SULT6B1: variants seen among roughly 807,000 people sequenced by gnomAD.
SULT6B1 encodes the protein sulfotransferase 6B1.
SULT6B1 carries 44 observed loss-of-function variants against 37.2 expected under a neutral mutation model. That is an observed-to-expected ratio of 1.18 (90% CI 0.93 to 1.52). The LOEUF (loss-of-function observed/expected upper bound fraction) is 1.52. SULT6B1 is among the 40% of genes most tolerant of loss of function. The pLI, the probability that SULT6B1 is intolerant of heterozygous loss-of-function variation, is 0.00. For missense variants in SULT6B1, 450 were observed against 361.0 expected, an observed-to-expected ratio of 1.25 and a Z score of -2.00; for synonymous variants, 140 against 126.0, an observed-to-expected ratio of 1.11 and a Z score of -0.74.
At position 37,184,622 on chromosome 2, in the gene SULT6B1, G is replaced by T. The variant is rs114951566; in HGVS notation, c.313-1108C>A. Reference sequence around the variant, plus strand: ...TAGCCAATTGTTCTGTAAAAACTTAGTGGAGGCTGGGCATCCTGCCCAATA... The same window carrying T: ...TAGCCAATTGTTCTGTAAAAACTTATTGGAGGCTGGGCATCCTGCCCAATA... On this transcript the variant is annotated intron_variant, in intron 2 of 6. Transcript: ENST00000535679. 3.3e-3 allele frequency among the ~76,000 whole-genome samples: 508 copies of T among 152,322 alleles called. 3 individuals carry two copies. Among genetic ancestry groups the T allele is most frequent in the African/African-American group, 0.012 (484 of 41,580 alleles).
chr2:37,181,427 G>T (rs1676546547), intron 3 of SULT6B1, among the ~76,000 whole-genome samples: 1 of 152,124 alleles, frequency 6.6e-6, no homozygotes, highest in Non-Finnish European at 1.5e-5. Flanking sequence ...TGTTACCCAG[G>T]CTAGAGTGCA....
At chr2:37,170,667 A>G (rs68044035) in intron 6 of SULT6B1, among the ~76,000 whole-genome samples, 32,023 of 147,936 alleles carry the variant, frequency 0.22, 3,619 homozygotes, top group South Asian at 0.34. Context: ...GAACCCAGGA[A>G]GCAGAGGTTG....
intron 3 of SULT6B1, among the ~76,000 whole-genome samples, chr2:37,182,185 G>C (rs1234517040): frequency 6.6e-6 from 1 of 151,688 alleles, no homozygotes. Flanking sequence ...CAGTTTTCCT[G>C]TTGTGCCTTT....
upstream of SULT6B1, among the ~76,000 whole-genome samples, chr2:37,193,189 C>A (rs1210635901): frequency 6.6e-6 from 1 of 151,810 alleles, no homozygotes; most frequent in Non-Finnish European, 1.5e-5. Flanking sequence ...GGTGTGGTGG[C>A]TCACACCTAT....
At chr2:37,191,019 A>C (rs933277166), upstream of SULT6B1, 1 of 151,934 alleles carries the variant, frequency 6.6e-6, no homozygotes, top group African/African-American at 2.4e-5. Context: ...AAGGGGTAAG[A>C]GGGGAGGGAA....
chr2:37,188,801 G>T (rs948120298), upstream of SULT6B1, among the ~76,000 whole-genome samples: 1 of 152,076 alleles, frequency 6.6e-6, no homozygotes, highest in Admixed American at 6.6e-5. Flanking sequence ...ATATCCTCCT[G>T]GGAAAAGCTA....
At chr2:37,185,140 T>G (rs556813026) in intron 2 of SULT6B1, among the ~76,000 whole-genome samples, 1 of 152,256 alleles carries the variant, frequency 6.6e-6, no homozygotes, top group African/African-American at 2.4e-5. Context: ...AGACTGTGGT[T>G]TCCATGAAAC....
intron 4 of SULT6B1, among the ~76,000 whole-genome samples, chr2:37,178,977 T>G (rs3054169): frequency 5.2e-4 from 74 of 141,290 alleles, no homozygotes; most frequent in Middle Eastern, 7.4e-3. Flanking sequence ...TTGTTTGTTT[T>G]TTTGAGACAG....
intron 5 of SULT6B1, among the ~76,000 whole-genome samples, chr2:37,172,493 A>T (rs538585715): frequency 6.6e-6 from 1 of 152,268 alleles, no homozygotes; most frequent in South Asian, 2.1e-4. Flanking sequence ...CTATAAACAG[A>T]AAGGGTCGAT....
At chr2:37,178,961 G>C (rs1012439487) in intron 4 of SULT6B1, among the ~76,000 whole-genome samples, 2 of 151,886 alleles carry the variant, frequency 1.3e-5, no homozygotes, top group African/African-American at 4.8e-5. Flanking sequence ...TTTTTTGTTT[G>C]TTTGTTTGTT....
chr2:37,174,939 T>A (rs1676381287), intron 5 of SULT6B1, among the ~76,000 whole-genome samples, 193 bp downstream of exon 5: 1 of 152,224 alleles, frequency 6.6e-6, no homozygotes, highest in Non-Finnish European at 1.5e-5. Context: ...TAAGCGTTAT[T>A]TTATTTCTGT....
At chr2:37,193,647 A>AGAAGAAGAAGAG (rs1399734000), upstream of SULT6B1, among the ~76,000 whole-genome samples, 3 of 144,920 alleles carry the variant, frequency 2.1e-5, no homozygotes, top group Admixed American at 2.1e-4. Context: ...AAGAAGAAGA[A>AGAAGAAGAAGAG]GAAGGAGAAG....
chr2:37,184,002 T>C (rs1011933892), intron 2 of SULT6B1, among the ~76,000 whole-genome samples: 1 of 152,214 alleles, frequency 6.6e-6, no homozygotes, highest in Non-Finnish European at 1.5e-5. Context: ...GAATCATAAA[T>C]AAACCAATAA....
chr2:37,194,950 T>TTCCTTCCTTCCTTCCC (rs1558455885), intron 1 of SULT6B1, among the ~76,000 whole-genome samples: 4 of 86,006 alleles, frequency 4.7e-5, no homozygotes, highest in Non-Finnish European at 8.6e-5. Flanking sequence ...CCTTCCTTCC[T>TTCCTTCCTTCCTTCCC]TCCTTCCTTC....
At chr2:37,171,364 T>C in intron 6 of SULT6B1, 70 bp downstream of exon 6, 2 of 1,529,796 alleles carry the variant, frequency 1.3e-6, no homozygotes, top group East Asian at 2.3e-5. Flanking sequence ...GATGAAGTTA[T>C]TTGGATTACC....
At chr2:37,172,887 C>T (rs1676337098) in intron 5 of SULT6B1, among the ~76,000 whole-genome samples, 1 of 149,526 alleles carries the variant, frequency 6.7e-6, no homozygotes, top group Admixed American at 6.8e-5. Context: ...GAGTCTTGCT[C>T]TGTGGCCCAC....
intron 3 of SULT6B1, among the ~76,000 whole-genome samples, chr2:37,182,167 C>T (rs11885155): frequency 0.3 from 45,131 of 152,002 alleles, 7,761 homozygotes; most frequent in East Asian, 0.79. Flanking sequence ...AAATTGTAGT[C>T]ATCTTAACAG....
chr2:37,185,893 C>T (rs1676663258), intron 2 of SULT6B1, among the ~76,000 whole-genome samples: 1 of 152,100 alleles, frequency 6.6e-6, no homozygotes, highest in Admixed American at 6.5e-5. Context: ...CTTCTTACTG[C>T]CCCTGTTGGT....
At chr2:37,185,816 G>A (rs960742666) in intron 2 of SULT6B1, among the ~76,000 whole-genome samples, 9 of 151,778 alleles carry the variant, frequency 5.9e-5, no homozygotes, top group African/African-American at 2.2e-4. Flanking sequence ...TTTAGAAAAA[G>A]GTTATGCAAA....
Sources: gnomAD v4.1 joint callset for allele counts (sites outside exome capture counted in the v4.1 genomes callset) on GRCh38, gnomAD v4.1.1 for gene constraint, MANE v1.5 for transcripts, NCBI Gene and HGNC (gene_info 2026-07-23, HGNC 2026-07-21) for gene names.